Variants in TOP2A observed in about 807,000 individuals in gnomAD.
The protein encoded by TOP2A is DNA topoisomerase II alpha.
A neutral mutation model predicts 187.2 loss-of-function variants in TOP2A; 68 were observed. The ratio of observed to expected loss-of-function variants is 0.36; its 90% CI spans 0.30 to 0.44. The LOEUF is 0.44. Among genes scored for constraint, TOP2A ranks in the 20% least tolerant of loss-of-function variants. TOP2A has a pLI of 1.00. For synonymous variants in TOP2A, 542 were observed against 593.2 expected (o/e 0.91, Z 1.25); for missense variants, 1,196 against 1,808.7 (o/e 0.66, Z 6.14).
chr17:40,402,737 C>A lies in TOP2A; in HGVS notation c.2432+169G>T, dbSNP rs536716883. On this transcript the variant is annotated intron_variant, in intron 20 of 34. Coordinates refer to ENST00000423485, the MANE Select transcript of TOP2A (RefSeq NM_001067.4). ...ACCTTAGCATAATTGACATGTTGCA[C>A]TGGATAATTGTTATGGGGGGGCTTT... 6.7e-4 allele frequency among the ~76,000 whole-genome samples: 102 copies of A among 152,288 alleles called. 2 individuals are homozygous for A. Among genetic ancestry groups the A allele is most frequent in the South Asian group, 1.0e-3 (5 of 4,830 alleles).
intron 7 of TOP2A, among the ~76,000 whole-genome samples, chr17:40,412,212 A>G (rs1279224836): frequency 6.6e-6 from 1 of 152,194 alleles, no homozygotes; most frequent in Non-Finnish European, 1.5e-5. Flanking sequence ...AGAAAAAGGA[A>G]AATAAAAAAA....
At chr17:40,413,917 A>T (rs1598620038) in intron 4 of TOP2A, among the ~76,000 whole-genome samples, 1 of 152,078 alleles carries the variant, frequency 6.6e-6, no homozygotes, top group South Asian at 2.1e-4. Flanking sequence ...AGAACTGCTC[A>T]AAGTGTTGGG....
At chr17:40,396,918 G>C (rs1326762539) in intron 27 of TOP2A, among the ~76,000 whole-genome samples, 3 of 145,684 alleles carry the variant, frequency 2.1e-5, no homozygotes, top group Non-Finnish European at 3.0e-5. Flanking sequence ...TTTTTTAAGA[G>C]ACACGCAGGC....
chr17:40,416,648 C>T, intron 2 of TOP2A, 92 bp downstream of exon 2: 1 of 1,497,698 alleles, frequency 6.7e-7, no homozygotes, highest in Non-Finnish European at 9.2e-7. Context: ...ATGAGAGATA[C>T]AGAAAGGTCA....
intron 20 of TOP2A, among the ~76,000 whole-genome samples, 190 bp from the exon 21 acceptor site, chr17:40,401,271 A>G (rs950921386): frequency 1.4e-4 from 21 of 152,168 alleles, no homozygotes; most frequent in African/African-American, 4.8e-4. Context: ...ATCCTCAAGG[A>G]GCTCACAGTC....
chr17:40,404,990 C>CTTTT, intron 16 of TOP2A, 107 bp from the exon 17 acceptor site: 4 of 544,160 alleles, frequency 7.4e-6, no homozygotes, highest in South Asian at 2.2e-5. Flanking sequence ...TACTGTTTTC[C>CTTTT]TTTTTTTTTT....
rs576994166 is a variant in TOP2A at position 40,410,729 on chromosome 17, T to C, written c.1203+380A>G. The C allele has an allele frequency of 9.2e-5, 40 of 433,398 alleles. No homozygotes were observed. The East Asian group carries it at 1.9e-3, about 20-fold the overall frequency. The allele number at this position is 433,398 out of a possible 1,614,324, so 26.8% of individuals were successfully genotyped here. A position where few individuals can be genotyped will look rare whatever the true frequency, so the allele number is the denominator to read the frequency against. ...GGTTGGTTGGGGCTTTTTACTAAGA[T>C]AGGAAGTTGTTTTTTTGTTGGAGAG... On this transcript the variant is annotated intron_variant, in intron 10 of 34. Transcript: ENST00000423485.
intron 28 of TOP2A, 87 bp from the exon 29 acceptor site, chr17:40,395,626 T>C: frequency 1.1e-6 from 1 of 924,188 alleles, no homozygotes. Flanking sequence ...CTGGGAGCGG[T>C]GGCTCACGCC....
At position 40,389,597 on chromosome 17, in the gene TOP2A, C is replaced by T. The variant is rs774528941; in HGVS notation, c.4518G>A (p.Val1506=). The stretch of plus-strand genomic sequence containing the variant: ...CCCGTACAGATTTTGCCCGAGGAGC[C>T]ACAGCTGAGTCAAAGTCCATATGGA... ...DDFHMDFDSA[V]APRAKSVRAK... Residue 1506 remains valine, a synonymous_variant, in exon 35 of 35, where the codon GTG becomes GTA. Coordinates refer to ENST00000423485, the MANE Select transcript of TOP2A (RefSeq NM_001067.4). 1 of 1,607,708 alleles carries T rather than the reference C, an allele frequency of 6.2e-7. No individual in the cohort carries two copies. The highest frequency in any genetic ancestry group is 1.7e-5 in the Admixed American group (1 of 59,184).
At chr17:40,400,712 A>G in intron 21 of TOP2A, 49 bp from the exon 22 acceptor site, 13 of 1,559,432 alleles carry the variant, frequency 8.3e-6, no homozygotes, top group Non-Finnish European at 1.1e-5. Context: ...GTGATACTAG[A>G]CGGAAATCAC....
intron 29 of TOP2A, among the ~76,000 whole-genome samples, chr17:40,393,124 C>T (rs2035047235): frequency 1.3e-5 from 2 of 152,048 alleles, no homozygotes; most frequent in African/African-American, 2.4e-5. Context: ...GAGCTAAAGA[C>T]CAGCCTGGTC....
Position 40,413,533 on chromosome 17 carries a change from AAT to A in TOP2A, c.423_424del (p.Phe142TrpfsTer7). The stretch of plus-strand genomic sequence containing the variant: ...GTTACTAGAAGTTAGGAGCTGTCCA[AAT>A]ATGAGAGCTGGGACATACATCTTTT... On this transcript the variant is annotated frameshift_variant, in exon 5 of 35. Transcript: ENST00000423485. LOFTEE classifies it high-confidence loss of function. 14 of 1,544,780 alleles carry A rather than the reference AAT, an allele frequency of 9.1e-6. No homozygotes were observed. The highest frequency in any genetic ancestry group is 1.2e-5 in the Non-Finnish European group (14 of 1,143,340).
rs2035394088 is a variant in TOP2A, at chr17:40,416,667, A to T, written c.177+73T>A. 28 of 1,548,904 alleles carry T rather than the reference A, an allele frequency of 1.8e-5. 1 individual carries two copies. The South Asian group carries it at 3.1e-4, about 17-fold the overall frequency. Reference sequence around the variant, plus strand: ...GAGATACAGAAAGGTCACACTCAGTACATGAAAGGTACAGAAAGAAGAGTA... The same window carrying T: ...GAGATACAGAAAGGTCACACTCAGTTCATGAAAGGTACAGAAAGAAGAGTA... On this transcript the variant is annotated intron_variant, in intron 2 of 34. Coordinates refer to ENST00000423485, the MANE Select transcript of TOP2A (RefSeq NM_001067.4).
intron 29 of TOP2A, among the ~76,000 whole-genome samples, chr17:40,395,102 G>C (rs1262513977): frequency 6.6e-6 from 1 of 152,000 alleles, no homozygotes; most frequent in Admixed American, 6.6e-5. Flanking sequence ...GACTAACATG[G>C]TGAAACCCCG....
rs1313940238 is a variant in TOP2A, at chr17:40,413,648, T to G, written c.333-23A>C. Reference sequence around the variant, plus strand: ...TCCCTAAGAAAAAAAGATTGAAAATTGTATTTTACAACACATTAAACGAAT... The same window carrying G: ...TCCCTAAGAAAAAAAGATTGAAAATGGTATTTTACAACACATTAAACGAAT... On this transcript the variant is annotated intron_variant, in intron 4 of 34. Coordinates refer to ENST00000423485, the MANE Select transcript of TOP2A (RefSeq NM_001067.4). 3 of 1,171,570 alleles carry G rather than the reference T, an allele frequency of 2.6e-6. No individual in the cohort carries two copies. In the South Asian group the frequency reaches 4.9e-5, roughly 19 times the overall value. The allele number at this position is 1,171,570 out of a possible 1,614,324, so 72.6% of individuals were successfully genotyped here.
chr17:40,404,998 T>C, intron 16 of TOP2A, 115 bp from the exon 17 acceptor site: 1 of 680,938 alleles, frequency 1.5e-6, no homozygotes, highest in Non-Finnish European at 2.4e-6. Flanking sequence ...TCCTTTTTTT[T>C]TTTTTTTGAG....
At chr17:40,404,010 C>G in intron 19 of TOP2A, 142 bp downstream of exon 19, 4 of 1,034,988 alleles carry the variant, frequency 3.9e-6, no homozygotes, top group Non-Finnish European at 5.5e-6. Context: ...AAAGGGCAAG[C>G]AGTTTTATTC....
chr17:40,398,760 A>G lies in TOP2A; in HGVS notation c.3453+13T>C. 1 of 1,607,740 alleles carries G rather than the reference A, an allele frequency of 6.2e-7. No homozygotes were observed. The highest frequency in any genetic ancestry group is 1.1e-5 in the South Asian group (1 of 89,506). ...AAAACTAAGCAGCATGTACCATCCT[A>G]CTATCAACTCACTTTTTCATTTCTT... On this transcript the variant is annotated intron_variant, in intron 26 of 34. Coordinates refer to ENST00000423485, the MANE Select transcript of TOP2A (RefSeq NM_001067.4).
At chr17:40,405,457 GT>G (rs71152667) in intron 16 of TOP2A, among the ~76,000 whole-genome samples, 16 of 129,674 alleles carry the variant, frequency 1.2e-4, no homozygotes, top group South Asian at 5.0e-4. Flanking sequence ...GACCTTTTTT[GT>G]TTTTTTTTTT....
Sources: gnomAD v4.1 joint callset for allele counts (sites outside exome capture counted in the v4.1 genomes callset) on GRCh38, gnomAD v4.1.1 for gene constraint, MANE v1.5 for transcripts, NCBI Gene and HGNC (gene_info 2026-07-23, HGNC 2026-07-21) for gene names.